Variants in PHF14 observed in about 807,000 individuals in gnomAD.
PHF14 encodes PHD finger protein 14.
In PHF14, 55 loss-of-function variants were observed where a neutral mutation model predicts 117.9. That is an observed-to-expected ratio of 0.47 (90% CI 0.38 to 0.58). PHF14 has a LOEUF of 0.58. Among genes scored for constraint, PHF14 ranks in the 20% least tolerant of loss-of-function variants. PHF14 has a pLI of 0.00. For missense variants in PHF14, 978 were observed against 1,122.2 expected (o/e 0.87, Z 1.84); for synonymous variants, 409 against 368.6 (o/e 1.11, Z -1.26).
chr7:11,093,067 T>G (rs1786704960), intron 16 of PHF14, among the ~76,000 whole-genome samples: 1 of 152,212 alleles, frequency 6.6e-6, no homozygotes, highest in Non-Finnish European at 1.5e-5. Context: ...GCTTTCAGGC[T>G]TTAGATTCTA....
chr7:11,107,180 G>C, intron 16 of PHF14: 1 of 984,662 alleles, frequency 1.0e-6, no homozygotes, highest in Non-Finnish European at 1.2e-6. Context: ...AAATAAATCA[G>C]CTGCTTCTTT....
intron 5 of PHF14, among the ~76,000 whole-genome samples, chr7:11,019,415 G>A (rs1310907563): frequency 6.6e-6 from 1 of 152,086 alleles, no homozygotes; most frequent in Non-Finnish European, 1.5e-5. Flanking sequence ...CTTCAATCTC[G>A]TTACTTGTTA....
chr7:10,979,444 G>A (rs1159779881), intron 2 of PHF14, among the ~76,000 whole-genome samples: 2 of 130,894 alleles, frequency 1.5e-5, no homozygotes, highest in African/African-American at 5.0e-5. Flanking sequence ...CAATTTTAAA[G>A]ATATATTTTT....
At chr7:11,104,691 G>A in intron 16 of PHF14, 1 of 918,130 alleles carries the variant, frequency 1.1e-6, no homozygotes, top group Non-Finnish European at 1.3e-6. Context: ...TCACAGGAAG[G>A]ATTTGTAAAA....
chr7:11,162,164 C>CT (rs1280872112), intron 17 of PHF14, among the ~76,000 whole-genome samples: 21 of 131,426 alleles, frequency 1.6e-4, no homozygotes, highest in African/African-American at 5.3e-4. Flanking sequence ...TCCTGGCTCA[C>CT]TGCAACCTCC....
At chr7:11,143,555 T>C (rs1461111554) in intron 17 of PHF14, among the ~76,000 whole-genome samples, 1 of 152,194 alleles carries the variant, frequency 6.6e-6, no homozygotes. Flanking sequence ...TATTACAGAT[T>C]ATTTGGAAAA....
At chr7:10,978,620 T>G (rs141152384) in intron 2 of PHF14, among the ~76,000 whole-genome samples, 2 of 152,330 alleles carry the variant, frequency 1.3e-5, no homozygotes, top group East Asian at 3.9e-4. Context: ...TTGGCGCTAT[T>G]GGCATTTTGT....
chr7:11,027,002 G>A (rs1783936542), intron 6 of PHF14, among the ~76,000 whole-genome samples: 1 of 152,010 alleles, frequency 6.6e-6, no homozygotes, highest in Non-Finnish European at 1.5e-5. Flanking sequence ...GTTCTCAGTT[G>A]CTTAGTTCAC....
intron 4 of PHF14, among the ~76,000 whole-genome samples, chr7:11,000,924 A>G (rs988905119): frequency 6.6e-6 from 1 of 152,046 alleles, no homozygotes; most frequent in Non-Finnish European, 1.5e-5. Flanking sequence ...TTGTATCTAA[A>G]AAGTCGTTAC....
rs765487069 is a variant in PHF14 at position 10,982,613 on chromosome 7, GAAGGAAAAAGAA to G, written c.363_374del (p.Lys127_Glu130del). 6.6e-7 allele frequency: 1 copy of G among 1,521,766 alleles called. No homozygotes were observed. Among genetic ancestry groups the G allele is most frequent in the Admixed American group, 2.0e-5 (1 of 49,816 alleles). 94.3% of individuals were successfully genotyped at this position (1,521,766 alleles called of 1,614,324 possible). A position where few individuals can be genotyped will look rare whatever the true frequency, so the allele number is the denominator to read the frequency against. On this transcript the variant is annotated inframe_deletion, in exon 3 of 18. Coordinates refer to ENST00000634607, the MANE Select transcript of PHF14 (RefSeq NM_001007157.2). Reference sequence around the variant, plus strand: ...GACCTAGAAAGAAAAAGGAGAAAGAGAAGGAAAAAGAAAAGGAAAAGGAGAAAGAGAAGGAAA... The same window carrying G: ...GACCTAGAAAGAAAAAGGAGAAAGAGAAGGAAAAGGAGAAAGAGAAGGAAA...
intron 16 of PHF14, among the ~76,000 whole-genome samples, chr7:11,093,567 T>G (rs1157374757): frequency 2.0e-5 from 3 of 152,234 alleles, no homozygotes; most frequent in Non-Finnish European, 4.4e-5. Flanking sequence ...AAATTTCACC[T>G]TTCTCTGTAT....
chr7:11,123,175 T>C (rs556089120), intron 17 of PHF14, among the ~76,000 whole-genome samples: 9 of 152,258 alleles, frequency 5.9e-5, no homozygotes, highest in African/African-American at 1.9e-4. Context: ...ACACCCATTT[T>C]GCAACAGGAA....
intron 17 of PHF14, among the ~76,000 whole-genome samples, chr7:11,124,187 G>A (rs1481168193): frequency 6.6e-6 from 1 of 151,914 alleles, no homozygotes; most frequent in African/African-American, 2.4e-5. Flanking sequence ...ACATAAAGAA[G>A]TATTTTAAAT....
intron 16 of PHF14, among the ~76,000 whole-genome samples, chr7:11,070,402 T>G (rs1318862900): frequency 6.6e-6 from 1 of 152,242 alleles, no homozygotes; most frequent in Non-Finnish European, 1.5e-5. Flanking sequence ...AAGGAATGTA[T>G]TGATTTCATC....
chr7:11,032,639 G>A (rs1784158224), intron 7 of PHF14, among the ~76,000 whole-genome samples: 1 of 152,088 alleles, frequency 6.6e-6, no homozygotes, highest in African/African-American at 2.4e-5. Context: ...ACTTTAGATG[G>A]GGCATTCCAG....
chr7:11,119,737 G>T (rs893565268), intron 17 of PHF14, among the ~76,000 whole-genome samples: 4 of 151,788 alleles, frequency 2.6e-5, no homozygotes, highest in African/African-American at 9.7e-5. Flanking sequence ...TACATATTGT[G>T]GTTTAAGAAG....
chr7:11,020,440 T>C (rs1319432585), intron 5 of PHF14, among the ~76,000 whole-genome samples: 20 of 152,030 alleles, frequency 1.3e-4, no homozygotes. Context: ...TGCAGTGGCA[T>C]GATCTTGGCT....
intron 17 of PHF14, among the ~76,000 whole-genome samples, chr7:11,150,800 A>G (rs1788679709): frequency 2.6e-5 from 4 of 152,162 alleles, no homozygotes; most frequent in African/African-American, 9.7e-5. Context: ...GATTCAGGCT[A>G]CTTAGATTCT....
intron 17 of PHF14, 24 bp from the exon 18 acceptor site, chr7:11,169,392 T>C (rs1789300176): frequency 1.8e-6 from 2 of 1,119,770 alleles, no homozygotes; most frequent in Non-Finnish European, 2.6e-6. Flanking sequence ...TATATTTTAA[T>C]GTTTTCTAAA....
Sources: allele counts gnomAD v4.1 joint callset (sites outside exome capture counted in the v4.1 genomes callset), GRCh38; gene constraint gnomAD v4.1.1; transcripts MANE v1.5; gene names NCBI Gene and HGNC (gene_info 2026-07-23, HGNC 2026-07-21).